The following VWA3A variants were observed in gnomAD, a reference collection of about 807,000 sequenced individuals.
VWA3A encodes von Willebrand factor A domain-containing protein 3A.
Under a neutral mutation model 160.4 loss-of-function variants are expected in VWA3A, and 134 were observed. The observed-to-expected ratio is 0.84, with a 90% CI of 0.73 to 0.96. VWA3A has a LOEUF of 0.96. VWA3A is among the 40% of genes least tolerant of loss of function. The probability of loss-of-function intolerance (pLI) is 0.00; values close to 1 mark genes in which losing one functional copy is unlikely to be tolerated. For synonymous variants in VWA3A, 476 were observed against 543.4 expected (o/e 0.88, Z 1.72); for missense variants, 1,310 against 1,447.9 (o/e 0.90, Z 1.55).
rs764066794 is a variant in VWA3A, at chr16:22,144,371, G to C, written c.2717G>C (p.Ser906Thr). The change falls in exon 26 of 34, where the codon AGC (serine) becomes ACC (threonine). Residue 906 changes from serine (S) to threonine (T), a missense_variant. Coordinates refer to ENST00000389398, the MANE Select transcript of VWA3A (RefSeq NM_173615.5). ...GCCAAACACTGCAGCATCTTCCCCAGCGTTGAGATCCATGTAAGTCACAAT... is the reference window on the plus strand; with the variant it reads ...GCCAAACACTGCAGCATCTTCCCCACCGTTGAGATCCATGTAAGTCACAAT... ...ASAKHCSIFP[S>T]VEIHGVVRHI... 2 of 1,613,300 alleles carry C rather than the reference G, an allele frequency of 1.2e-6. No homozygotes were observed. Among genetic ancestry groups the C allele is most frequent in the Admixed American group, 3.3e-5 (2 of 59,808 alleles).
chr16:22,146,682 G>A (rs1272836570), intron 27 of VWA3A, among the ~76,000 whole-genome samples: 1 of 152,022 alleles, frequency 6.6e-6, no homozygotes, highest in Non-Finnish European at 1.5e-5. Flanking sequence ...TACTCAGGAG[G>A]CTGAGGCAGG....
intron 31 of VWA3A, among the ~76,000 whole-genome samples, chr16:22,153,542 A>G (rs933928720): frequency 6.6e-6 from 1 of 152,152 alleles, no homozygotes; most frequent in African/African-American, 2.4e-5. Flanking sequence ...ATTAAGTAAT[A>G]AGTCTAGTAA....
At chr16:22,112,699 G>A (rs974686218) in intron 8 of VWA3A, among the ~76,000 whole-genome samples, 1 of 152,148 alleles carries the variant, frequency 6.6e-6, no homozygotes, top group African/African-American at 2.4e-5. Flanking sequence ...CTTCAGCCTG[G>A]GTGACAGAGA....
At chr16:22,149,732 A>C in intron 28 of VWA3A, 55 bp from the exon 29 acceptor site, 2 of 1,540,384 alleles carry the variant, frequency 1.3e-6, no homozygotes, top group Non-Finnish European at 1.8e-6. Flanking sequence ...GCCTGTTCTA[A>C]CCAATCTCTT....
Position 22,146,720 on chromosome 16 carries a change from G to A in VWA3A, c.2839+376G>A, listed in dbSNP as rs1197633895. On this transcript the variant is annotated intron_variant, in intron 27 of 33. Coordinates refer to ENST00000389398, the MANE Select transcript of VWA3A (RefSeq NM_173615.5). ...AATCGCAGAGGTTGCAGTGAGCTGA[G>A]ATCGCGCCACTGCACTCCATCCTGG... is the stretch of plus-strand genomic sequence containing the variant. Among the ~76,000 whole-genome samples, 3 of 151,594 alleles carry A rather than the reference G, an allele frequency of 2.0e-5. No individual in the cohort carries two copies. The East Asian group carries it at 5.8e-4, about 29-fold the overall frequency.
rs551910321 is a variant in VWA3A at position 22,119,278 on chromosome 16, C to T, written c.1116+251C>T. ...AAAATTTATTTCAGAGAAAGACCAG[C>T]AGGCTCCTGCCACCCTCTCTATCCT... On this transcript the variant is annotated intron_variant, in intron 12 of 33. Coordinates refer to ENST00000389398, the MANE Select transcript of VWA3A (RefSeq NM_173615.5). 3.3e-5 allele frequency among the ~76,000 whole-genome samples: 5 copies of T among 152,320 alleles called. No homozygotes were observed. In the South Asian group the frequency reaches 1.0e-3, roughly 32 times the overall value.
intron 30 of VWA3A, among the ~76,000 whole-genome samples, 191 bp from the exon 31 acceptor site, chr16:22,152,320 T>A (rs2046363192): frequency 6.6e-6 from 1 of 152,152 alleles, no homozygotes; most frequent in African/African-American, 2.4e-5. Context: ...GCAGCAGCAG[T>A]TGCTATAGCT....
In VWA3A at chr16:22,131,292, C is replaced by T. The variant is rs572566475; in HGVS notation, c.1727+13C>T. 1 of 1,613,522 alleles carries T rather than the reference C, an allele frequency of 6.2e-7. No individual in the cohort carries two copies. Among genetic ancestry groups the T allele is most frequent in the South Asian group, 1.1e-5 (1 of 90,962 alleles). ...AAAGTGCCTGGCGGTAGGTTATGGG[C>T]AGAGACTTCGTGGGGCTGTGTCTGA... On this transcript the variant is annotated intron_variant, in intron 18 of 33. Transcript: ENST00000389398.
At chr16:22,151,227 C>A (rs899153574) in intron 30 of VWA3A, among the ~76,000 whole-genome samples, 2 of 149,704 alleles carry the variant, frequency 1.3e-5, no homozygotes, top group Admixed American at 6.8e-5. Flanking sequence ...TTGCAGTCAG[C>A]GGAGGTTGCA....
intron 9 of VWA3A, 88 bp from the exon 10 acceptor site, chr16:22,116,671 A>G (rs2045653653): frequency 9.6e-7 from 1 of 1,042,382 alleles, no homozygotes; most frequent in Non-Finnish European, 1.5e-6. Flanking sequence ...GAATGGGTAG[A>G]TGTTCCTTGG....
chr16:22,123,757 G>A (rs747476105), intron 16 of VWA3A, 50 bp downstream of exon 16: 7 of 1,521,712 alleles, frequency 4.6e-6, no homozygotes, highest in East Asian at 4.5e-5. Flanking sequence ...GGTGTGTGAC[G>A]TGACATTTAT....
chr16:22,113,388 T>TTTTTTTTG (rs2045584619), intron 8 of VWA3A, among the ~76,000 whole-genome samples: 1 of 123,920 alleles, frequency 8.1e-6, no homozygotes, highest in Non-Finnish European at 1.6e-5. Context: ...TTTTTTTTTT[T>TTTTTTTTG]TTTTTTTTGT....
At chr16:22,146,741 C>T (rs1420219312) in intron 27 of VWA3A, among the ~76,000 whole-genome samples, 4 of 151,874 alleles carry the variant, frequency 2.6e-5, no homozygotes, top group African/African-American at 9.7e-5. Flanking sequence ...TGCACTCCAT[C>T]CTGGGCAACA....
intron 30 of VWA3A, among the ~76,000 whole-genome samples, chr16:22,151,923 G>A (rs2046355374): frequency 6.6e-6 from 1 of 152,074 alleles, no homozygotes; most frequent in Non-Finnish European, 1.5e-5. Context: ...ATAAATGGGG[G>A]CTAGGCTGAG....
chr16:22,143,225 C>A (rs1047791957), intron 25 of VWA3A, among the ~76,000 whole-genome samples: 3 of 151,776 alleles, frequency 2.0e-5, no homozygotes. Context: ...GTTAAATAGA[C>A]CTAAATTCAA....
intron 11 of VWA3A, among the ~76,000 whole-genome samples, chr16:22,118,655 C>T (rs2045684595): frequency 6.6e-6 from 1 of 152,172 alleles, no homozygotes; most frequent in African/African-American, 2.4e-5. Flanking sequence ...CACTGCACTC[C>T]AGCCTGGGTG....
At chr16:22,127,290 C>T (rs974942102) in intron 17 of VWA3A, among the ~76,000 whole-genome samples, 1 of 140,654 alleles carries the variant, frequency 7.1e-6, no homozygotes, top group Non-Finnish European at 1.5e-5. Context: ...CCACACCTGG[C>T]TAATCTTTGT....
At chr16:22,125,714 C>T (rs1371121670) in intron 16 of VWA3A, among the ~76,000 whole-genome samples, 4 of 152,112 alleles carry the variant, frequency 2.6e-5, no homozygotes, top group African/African-American at 4.8e-5. Flanking sequence ...TGAGCCACCG[C>T]GCCCGGCCTT....
chr16:22,104,726 A>G (rs1220441469), intron 6 of VWA3A, among the ~76,000 whole-genome samples: 2 of 152,148 alleles, frequency 1.3e-5, no homozygotes, highest in African/African-American at 4.8e-5. Flanking sequence ...TCAGAACCCA[A>G]GGGTAGAAGA....
Sources: gnomAD v4.1 joint callset for allele counts (sites outside exome capture counted in the v4.1 genomes callset) on GRCh38, gnomAD v4.1.1 for gene constraint, MANE v1.5 for transcripts, NCBI Gene and HGNC (gene_info 2026-07-23, HGNC 2026-07-21) for gene names.